Variants in ATRNL1 observed in about 807,000 individuals in gnomAD.
ATRNL1 encodes the protein attractin like 1.
ATRNL1 carries 95 observed loss-of-function variants against 182.7 expected under a neutral mutation model. That is an observed-to-expected ratio of 0.52 (90% CI 0.44 to 0.62). The LOEUF is 0.62. ATRNL1 is among the 20% of genes least tolerant of loss of function. The pLI, the probability that ATRNL1 is intolerant of heterozygous loss-of-function variation, is 0.00. For synonymous variants in ATRNL1, 576 were observed against 568.3 expected (o/e 1.01, Z -0.19); for missense variants, 1,471 against 1,679.5 (o/e 0.88, Z 2.17).
rs139384097 is a variant in ATRNL1, at chr10:115,499,777, C to T, written c.3655-19486C>T. The stretch of plus-strand genomic sequence containing the variant: ...TTTATCTTAGTGAGCCGAGGGATGA[C>T]GTTGAATGAACTGGGAGGCTGGTTG... On this transcript the variant is annotated intron_variant, in intron 24 of 28. Transcript: ENST00000355044. Among the ~76,000 whole-genome samples, 427 of 152,238 alleles carry T rather than the reference C, an allele frequency of 2.8e-3. 1 individual carries two copies. Among genetic ancestry groups the T allele is most frequent in the African/African-American group, 9.6e-3 (399 of 41,536 alleles).
At chr10:115,857,421 G>A (rs1555102399) in intron 28 of ATRNL1, among the ~76,000 whole-genome samples, 4 of 152,192 alleles carry the variant, frequency 2.6e-5, no homozygotes, top group Non-Finnish European at 5.9e-5. Context: ...CAGTCACATA[G>A]TAAATAATTA....
intron 5 of ATRNL1, among the ~76,000 whole-genome samples, chr10:115,140,810 G>A (rs1431832759): frequency 1.3e-5 from 2 of 152,130 alleles, no homozygotes; most frequent in East Asian, 3.8e-4. Flanking sequence ...TGTAAATCAT[G>A]TAATTTAATA....
chr10:115,828,499 T>G (rs1555092667), intron 27 of ATRNL1, among the ~76,000 whole-genome samples: 1 of 152,158 alleles, frequency 6.6e-6, no homozygotes, highest in African/African-American at 2.4e-5. Context: ...ATATTTCAAT[T>G]GCAATGAAAG....
chr10:115,891,261 G>A (rs1441749438), intron 28 of ATRNL1, among the ~76,000 whole-genome samples: 3 of 152,192 alleles, frequency 2.0e-5, no homozygotes, highest in Non-Finnish European at 4.4e-5. Flanking sequence ...GGAGGAGAAT[G>A]TGGGGTCAGG....
intron 26 of ATRNL1, among the ~76,000 whole-genome samples, chr10:115,700,386 T>A (rs1946695375): frequency 6.6e-6 from 1 of 152,188 alleles, no homozygotes; most frequent in Admixed American, 6.5e-5. Context: ...GCATTCTGGC[T>A]GGTGTGAGAT....
At chr10:115,290,017 G>A (rs1189239487) in intron 15 of ATRNL1, among the ~76,000 whole-genome samples, 1 of 151,320 alleles carries the variant, frequency 6.6e-6, no homozygotes, top group Admixed American at 6.6e-5. Context: ...CCATTTGCAT[G>A]GAATGTCATT....
intron 28 of ATRNL1, among the ~76,000 whole-genome samples, chr10:115,879,266 C>T (rs1336342945): frequency 7.0e-6 from 1 of 142,436 alleles, no homozygotes; most frequent in Admixed American, 7.3e-5. Flanking sequence ...ATGATCGTGC[C>T]ACTGCAGTCC....
chr10:115,290,419 C>T (rs11594421), intron 15 of ATRNL1, among the ~76,000 whole-genome samples: 1 of 152,086 alleles, frequency 6.6e-6, no homozygotes, highest in Non-Finnish European at 1.5e-5. Context: ...CTTTGGGAGG[C>T]TGAGGCGAAT....
intron 26 of ATRNL1, among the ~76,000 whole-genome samples, chr10:115,588,649 G>T (rs944551588): frequency 6.6e-6 from 1 of 152,168 alleles, no homozygotes; most frequent in South Asian, 2.1e-4. Flanking sequence ...CAGTCATTAG[G>T]TGCTGTCCCC....
At chr10:115,096,112 A>G (rs553198865) in intron 1 of ATRNL1, among the ~76,000 whole-genome samples, 16 of 152,304 alleles carry the variant, frequency 1.1e-4, no homozygotes, top group African/African-American at 3.6e-4. Context: ...GAAGAAGAAT[A>G]GATATTTGAT....
intron 27 of ATRNL1, among the ~76,000 whole-genome samples, chr10:115,729,211 A>G (rs868950344): frequency 1.3e-5 from 2 of 152,176 alleles, no homozygotes; most frequent in Middle Eastern, 6.8e-3. Context: ...TCATATCTTC[A>G]TGTTCTATTT....
At position 115,948,195 on chromosome 10, in the gene ATRNL1, A is replaced by G. The variant is rs1953918027; in HGVS notation, c.*3416A>G. The G allele has an allele frequency of 6.6e-6, 1 of 152,224 alleles. No individual in the cohort carries two copies. The highest frequency in any genetic ancestry group is 2.4e-5 in the African/African-American group (1 of 41,454). The allele number at this position is 152,224 out of a possible 1,614,324, so 9.4% of individuals were successfully genotyped here. On this transcript the variant is annotated 3_prime_UTR_variant, in exon 29 of 29. Transcript: ENST00000355044. ...CTCTTCTTAAATCTATAGTTTTAGGAGAGTTTTTCTTAAAATTACTGACTG... is the reference window on the plus strand; with the variant it reads ...CTCTTCTTAAATCTATAGTTTTAGGGGAGTTTTTCTTAAAATTACTGACTG...
intron 26 of ATRNL1, among the ~76,000 whole-genome samples, chr10:115,716,515 T>C (rs1311679945): frequency 1.3e-5 from 2 of 152,188 alleles, no homozygotes; most frequent in Non-Finnish European, 2.9e-5. Context: ...ATGTTGCATT[T>C]AGAATTTTTT....
chr10:115,195,282 A>T (rs1848317628), intron 8 of ATRNL1, among the ~76,000 whole-genome samples: 2 of 152,224 alleles, frequency 1.3e-5, no homozygotes, highest in South Asian at 4.1e-4. Flanking sequence ...ATTTCTTATA[A>T]GACAGACATG....
chr10:115,735,159 T>C (rs1396393031), intron 27 of ATRNL1, among the ~76,000 whole-genome samples: 2 of 152,228 alleles, frequency 1.3e-5, no homozygotes, highest in Non-Finnish European at 2.9e-5. Flanking sequence ...AGCTTCCTTT[T>C]AAAATGTTTC....
rs575720712 is a variant in ATRNL1, at chr10:115,103,226, A to G, written c.293+9183A>G. On this transcript the variant is annotated intron_variant, in intron 1 of 28. Coordinates refer to ENST00000355044, the MANE Select transcript of ATRNL1 (RefSeq NM_207303.4). ...CTGATTTTTTGTATTTTTTGTAGAG[A>G]TGGGGTTTCGCCATGTTGGCTAGGC... is the stretch of plus-strand genomic sequence containing the variant. Among the ~76,000 whole-genome samples, 6 of 151,416 alleles carry G rather than the reference A, an allele frequency of 4.0e-5. No homozygotes were observed. In the South Asian group the frequency reaches 1.0e-3, roughly 26 times the overall value.
chr10:115,820,062 G>A (rs782285258), intron 27 of ATRNL1: 2 of 151,958 alleles, frequency 1.3e-5, no homozygotes, highest in African/African-American at 2.4e-5. Context: ...TCCAAAATAC[G>A]GCTCAATATT....
intron 19 of ATRNL1, among the ~76,000 whole-genome samples, chr10:115,340,332 G>A (rs1855682172): frequency 1.3e-5 from 2 of 151,992 alleles, no homozygotes; most frequent in Admixed American, 1.3e-4. Context: ...TAGTAGCGAT[G>A]GAGTTTCACC....
chr10:115,132,668 T>G (rs1845307424), intron 5 of ATRNL1, among the ~76,000 whole-genome samples: 1 of 152,150 alleles, frequency 6.6e-6, no homozygotes, highest in Non-Finnish European at 1.5e-5. Context: ...GATTTGCATT[T>G]CTCTGATGGC....
Sources: allele counts gnomAD v4.1 joint callset (sites outside exome capture counted in the v4.1 genomes callset), GRCh38; gene constraint gnomAD v4.1.1; transcripts MANE v1.5; gene names NCBI Gene and HGNC (gene_info 2026-07-23, HGNC 2026-07-21).